HPSE2: variants seen among roughly 807,000 people sequenced by gnomAD.
The protein encoded by HPSE2 is heparanase 2 (inactive), also known as inactive heparanase-2.
In HPSE2, 38 loss-of-function variants were observed where a neutral mutation model predicts 60.5. The observed-to-expected ratio is 0.63, with a 90% CI of 0.48 to 0.82. The LOEUF (loss-of-function observed/expected upper bound fraction) is 0.82. HPSE2 is among the 40% of genes least tolerant of loss of function. The pLI, the probability that HPSE2 is intolerant of heterozygous loss-of-function variation, is 0.00. For missense variants in HPSE2, 713 were observed against 740.4 expected, an observed-to-expected ratio of 0.96 and a Z score of 0.43; for synonymous variants, 295 against 293.2, an observed-to-expected ratio of 1.01 and a Z score of -0.06.
At chr10:98,460,317 T>C (rs1229010680) in intron 11 of HPSE2, among the ~76,000 whole-genome samples, 2 of 152,222 alleles carry the variant, frequency 1.3e-5, no homozygotes, top group African/African-American at 4.8e-5. Context: ...GTAACACCTC[T>C]ACTTTTTCTA....
At position 98,792,647 on chromosome 10, in the gene HPSE2, A is replaced by C. The variant is rs542400834; in HGVS notation, c.611-48591T>G. Among the ~76,000 whole-genome samples, 20 of 152,206 alleles carry C rather than the reference A, an allele frequency of 1.3e-4. 1 individual carries two copies. In the East Asian group the frequency reaches 3.9e-3, roughly 29 times the overall value. On this transcript the variant is annotated intron_variant, in intron 3 of 11. Transcript: ENST00000370552. ...GCTCCATACAAATTCCTACAAAAAAAAAAAAAAAACACGAAGAATGGAAAA... is the reference window on the plus strand; with the variant it reads ...GCTCCATACAAATTCCTACAAAAAACAAAAAAAAACACGAAGAATGGAAAA...
At chr10:99,221,294 A>G (rs1042321391) in intron 2 of HPSE2, among the ~76,000 whole-genome samples, 10 of 152,226 alleles carry the variant, frequency 6.6e-5, no homozygotes, top group African/African-American at 2.4e-4. Flanking sequence ...GGTTATTAGC[A>G]TATTAGCTAC....
the HPSE2 span, among the ~76,000 whole-genome samples, chr10:99,277,878 A>G: frequency 1.3e-5 from 2 of 152,108 alleles, no homozygotes; most frequent in Non-Finnish European, 2.9e-5. Flanking sequence ...CAGGTGGATC[A>G]CTTAGGGTCA....
At chr10:99,021,992 T>C (rs1957273859) in intron 3 of HPSE2, among the ~76,000 whole-genome samples, 2 of 151,142 alleles carry the variant, frequency 1.3e-5, no homozygotes, top group African/African-American at 4.9e-5. Flanking sequence ...GCTGCACCCA[T>C]TAACTCGTCA....
At chr10:98,706,470 G>C (rs1188446506) in intron 5 of HPSE2, among the ~76,000 whole-genome samples, 1 of 152,188 alleles carries the variant, frequency 6.6e-6, no homozygotes, top group Non-Finnish European at 1.5e-5. Flanking sequence ...CCAGGAGACA[G>C]AAATGTGGAC....
chr10:98,771,269 G>T (rs1950234400), intron 3 of HPSE2, among the ~76,000 whole-genome samples: 2 of 152,154 alleles, frequency 1.3e-5, no homozygotes, highest in South Asian at 4.1e-4. Flanking sequence ...AATCAATTAA[G>T]CTGGTCTGTT....
At chr10:98,600,901 A>G (rs369430097) in intron 9 of HPSE2, among the ~76,000 whole-genome samples, 51,376 of 95,292 alleles carry the variant, frequency 0.54, 13,275 homozygotes, top group Admixed American at 0.64. Flanking sequence ...ACGTATATAT[A>G]TGTGTGTGTG....
At chr10:98,522,213 A>G (rs898410565) in intron 9 of HPSE2, among the ~76,000 whole-genome samples, 1 of 152,102 alleles carries the variant, frequency 6.6e-6, no homozygotes, top group East Asian at 1.9e-4. Context: ...ACAGTGGCTG[A>G]TATGTATTAG....
chr10:99,297,478 T>G, the HPSE2 span, among the ~76,000 whole-genome samples: 2 of 152,218 alleles, frequency 1.3e-5, no homozygotes, highest in African/African-American at 4.8e-5. Context: ...AAGTCCCTCA[T>G]TGTTTGAATG....
the HPSE2 span, among the ~76,000 whole-genome samples, chr10:99,315,152 T>C: frequency 6.6e-6 from 1 of 152,208 alleles, no homozygotes; most frequent in African/African-American, 2.4e-5. Context: ...GTTAATGCAT[T>C]AAGTAAAAGA....
intron 3 of HPSE2, among the ~76,000 whole-genome samples, chr10:98,867,619 T>C (rs1163309709): frequency 2.0e-5 from 3 of 152,200 alleles, no homozygotes; most frequent in Non-Finnish European, 4.4e-5. Flanking sequence ...GGCTACCATA[T>C]GATCTAGCAA....
At position 98,743,923 on chromosome 10, in the gene HPSE2, G is replaced by A. The variant is rs763745491; in HGVS notation, c.744C>T (p.Ser248=). 3.0e-5 allele frequency: 48 copies of A among 1,613,850 alleles called. No homozygotes were observed. The highest frequency in any genetic ancestry group is 8.9e-5 in the East Asian group (4 of 44,882). Residue 248 remains serine (S), a synonymous_variant, in exon 4 of 12, where the codon AGC becomes AGT. Transcript: ENST00000370552. ...AAGAAATGTTGTACTTTTTGCTGGCGCTGTACTTCAACAGACTCAGGGCAC... is the reference window on the plus strand; with the variant it reads ...AAGAAATGTTGTACTTTTTGCTGGCACTGTACTTCAACAGACTCAGGGCAC... ...SSSALSLLKY[S]ASKKYNISWE...
intron 3 of HPSE2, among the ~76,000 whole-genome samples, chr10:99,070,989 T>C (rs566944107): frequency 2.6e-5 from 4 of 152,276 alleles, no homozygotes; most frequent in South Asian, 4.1e-4. Context: ...AAATATCTCT[T>C]CAATATCCTG....
chr10:98,491,553 AC>A (rs1941645154), intron 9 of HPSE2, among the ~76,000 whole-genome samples: 1 of 152,190 alleles, frequency 6.6e-6, no homozygotes, highest in African/African-American at 2.4e-5. Flanking sequence ...GGGAATTTCC[AC>A]CTTTTTCTTA....
intron 3 of HPSE2, among the ~76,000 whole-genome samples, chr10:98,854,220 C>T (rs374196759): frequency 6.6e-6 from 1 of 152,026 alleles, no homozygotes; most frequent in Non-Finnish European, 1.5e-5. Flanking sequence ...ATCGTAATGA[C>T]TATTTTATGA....
chr10:98,524,306 C>T (rs1349084604), intron 9 of HPSE2, among the ~76,000 whole-genome samples: 6 of 152,088 alleles, frequency 3.9e-5, no homozygotes, highest in African/African-American at 9.7e-5. Context: ...TGCAATGCCC[C>T]GTGAGCACAC....
chr10:99,189,828 G>A (rs1490066064), intron 2 of HPSE2, among the ~76,000 whole-genome samples: 1 of 152,168 alleles, frequency 6.6e-6, no homozygotes, highest in Non-Finnish European at 1.5e-5. Context: ...GTAAACCCTT[G>A]AAAATTTCTA....
chr10:98,863,410 G>A (rs1952507286), intron 3 of HPSE2, among the ~76,000 whole-genome samples: 1 of 152,136 alleles, frequency 6.6e-6, no homozygotes, highest in African/African-American at 2.4e-5. Context: ...AGTGGAATTG[G>A]GAAGCAGTTA....
chr10:98,464,354 C>T (rs773883527), intron 11 of HPSE2, among the ~76,000 whole-genome samples: 4 of 152,144 alleles, frequency 2.6e-5, no homozygotes, highest in Non-Finnish European at 5.9e-5. Flanking sequence ...AGAGGCCAAG[C>T]CCCCGTGCCC....
Sources: gnomAD v4.1 joint callset for allele counts (sites outside exome capture counted in the v4.1 genomes callset) on GRCh38, gnomAD v4.1.1 for gene constraint, MANE v1.5 for transcripts, NCBI Gene and HGNC (gene_info 2026-07-23, HGNC 2026-07-21) for gene names.